The following SLC25A16 variants were observed in gnomAD, a reference collection of about 807,000 sequenced individuals.
SLC25A16 encodes solute carrier family 25 member 16.
SLC25A16 carries 39 observed loss-of-function variants against 41.5 expected under a neutral mutation model. The observed-to-expected ratio is 0.94, with a 90% CI of 0.73 to 1.23. The LOEUF (loss-of-function observed/expected upper bound fraction) is 1.23, where lower values mean the gene tolerates loss of function less well. Among genes scored for constraint, SLC25A16 ranks in the 50% most tolerant of loss-of-function variants. SLC25A16 has a pLI of 0.00. For synonymous variants in SLC25A16, 146 were observed against 147.8 expected, an observed-to-expected ratio of 0.99 and a Z score of 0.09; for missense variants, 421 against 426.9, an observed-to-expected ratio of 0.99 and a Z score of 0.12.
intron 6 of SLC25A16, among the ~76,000 whole-genome samples, chr10:68,492,372 A>C (rs2052673879): frequency 6.6e-6 from 1 of 152,336 alleles, no homozygotes; most frequent in South Asian, 2.1e-4. Flanking sequence ...ATTGCAAAAT[A>C]AAGCCAACTG....
At chr10:68,515,852 G>A (rs1021323885) in intron 2 of SLC25A16, among the ~76,000 whole-genome samples, 5 of 152,062 alleles carry the variant, frequency 3.3e-5, no homozygotes, top group East Asian at 1.9e-4. Context: ...GAGTTGTTAC[G>A]TGTGCCTGTG....
chr10:68,504,017 C>CT lies in SLC25A16; in HGVS notation c.358-323dup, dbSNP rs148285905. ...TGGGGGTAGTAGGAATAAACTGCTA[C>CT]TTTTTTTTTTTTTTTTTTTTTTTTT... On this transcript the variant is annotated intron_variant, in intron 3 of 8. Transcript: ENST00000609923. 6.7e-3 allele frequency among the ~76,000 whole-genome samples: 473 copies of CT among 70,884 alleles called. 19 individuals carry two copies. The highest frequency in any genetic ancestry group is 0.02 in the African/African-American group (347 of 17,630). The allele number at this position is 70,884 out of a possible 152,430, so 46.5% of individuals were successfully genotyped here. A position where few individuals can be genotyped will look rare whatever the true frequency, so the allele number is the denominator to read the frequency against.
At chr10:68,520,907 G>A (rs955561039) in intron 1 of SLC25A16, among the ~76,000 whole-genome samples, 12 of 151,782 alleles carry the variant, frequency 7.9e-5, no homozygotes, top group African/African-American at 2.4e-4. Flanking sequence ...ACGTTGAGGC[G>A]GGCAGATCGC....
At chr10:68,526,670 T>C (rs1039707845) in intron 1 of SLC25A16, among the ~76,000 whole-genome samples, 30 of 152,182 alleles carry the variant, frequency 2.0e-4, no homozygotes, top group Admixed American at 1.3e-4. Context: ...AGGGTGGAGC[T>C]TGAAGGCCCA....
chr10:68,510,377 C>A (rs867565512), intron 2 of SLC25A16, among the ~76,000 whole-genome samples: 2,321 of 117,832 alleles, frequency 0.02, 48 homozygotes, highest in African/African-American at 0.064. Context: ...ACTAAAAATA[C>A]AAAAAAAAAA....
At chr10:68,499,772 T>C in intron 4 of SLC25A16, 2 of 412,952 alleles carry the variant, frequency 4.8e-6, no homozygotes, top group Non-Finnish European at 9.4e-6. Context: ...AAATGTCATC[T>C]ACACTGAATG....
intron 2 of SLC25A16, among the ~76,000 whole-genome samples, chr10:68,510,884 A>G (rs1564923906): frequency 2.0e-5 from 3 of 152,292 alleles, no homozygotes; most frequent in East Asian, 3.9e-4. Flanking sequence ...AATTAAAAAA[A>G]CTATCTTATA....
At position 68,524,976 on chromosome 10, in the gene SLC25A16, A is replaced by C. The variant is rs191481628; in HGVS notation, c.130+2270T>G. Among the ~76,000 whole-genome samples the C allele has an allele frequency of 1.2e-3, 177 of 148,034 alleles. 1 individual carries two copies. The highest frequency in any genetic ancestry group is 9.3e-3 in the Admixed American group (139 of 14,872). On this transcript the variant is annotated intron_variant, in intron 1 of 8. Transcript: ENST00000609923. ...TCAGCAGAATCACTTGAACCCAGGA[A>C]GCAGAGGTTGCAGTGAGCCAAGATC...
chr10:68,522,114 G>C (rs561656603), intron 1 of SLC25A16, among the ~76,000 whole-genome samples: 2 of 151,416 alleles, frequency 1.3e-5, no homozygotes, highest in African/African-American at 4.8e-5. Context: ...AGTGAGCTGA[G>C]ATCATGCTGC....
At chr10:68,506,225 T>C (rs2052951104) in intron 3 of SLC25A16, among the ~76,000 whole-genome samples, 1 of 152,056 alleles carries the variant, frequency 6.6e-6, no homozygotes, top group Non-Finnish European at 1.5e-5. Flanking sequence ...TCCCAACACT[T>C]TGGGAGGCCA....
intron 1 of SLC25A16, among the ~76,000 whole-genome samples, chr10:68,524,636 C>T (rs528497945): frequency 2.0e-4 from 28 of 140,420 alleles, no homozygotes; most frequent in South Asian, 4.6e-4. Context: ...TTGAACCAGG[C>T]GGCAGAGGTT....
chr10:68,516,310 G>A (rs2053160465), intron 2 of SLC25A16, among the ~76,000 whole-genome samples: 2 of 151,936 alleles, frequency 1.3e-5, no homozygotes, highest in African/African-American at 2.4e-5. Context: ...TATTTGTCCC[G>A]ACTGGCTAGC....
intron 1 of SLC25A16, among the ~76,000 whole-genome samples, chr10:68,521,714 C>T (rs2053253472): frequency 1.3e-5 from 2 of 150,108 alleles, no homozygotes; most frequent in Admixed American, 1.3e-4. Context: ...CTGCCTCAGC[C>T]TCCCAAGTAG....
At chr10:68,511,020 C>T (rs1234736105) in intron 2 of SLC25A16, among the ~76,000 whole-genome samples, 2 of 152,110 alleles carry the variant, frequency 1.3e-5, no homozygotes, top group South Asian at 2.1e-4. Context: ...GGGCAGAACA[C>T]GAGGTCAGGA....
intron 2 of SLC25A16, among the ~76,000 whole-genome samples, chr10:68,508,299 T>A (rs1374023725): frequency 6.7e-6 from 1 of 149,152 alleles, no homozygotes; most frequent in African/African-American, 2.5e-5. Context: ...AAAAGTAAAA[T>A]GTATGACTAT....
rs551952989 is a variant in SLC25A16 at position 68,525,517 on chromosome 10, G to T, written c.130+1729C>A. ...AGCTCAGGCTGGAGGGTAGTGGTGT[G>T]ATCATGGCTTACTGGAGCCTCGATC... On this transcript the variant is annotated intron_variant, in intron 1 of 8. Coordinates refer to ENST00000609923, the MANE Select transcript of SLC25A16 (RefSeq NM_152707.4). 2.6e-5 allele frequency among the ~76,000 whole-genome samples: 4 copies of T among 152,256 alleles called. No individual in the cohort carries two copies. The East Asian group carries it at 7.7e-4, about 29-fold the overall frequency.
chr10:68,498,103 G>A (rs559542569), intron 4 of SLC25A16, among the ~76,000 whole-genome samples: 1 of 151,980 alleles, frequency 6.6e-6, no homozygotes, highest in Non-Finnish European at 1.5e-5. Flanking sequence ...AAAAGCCAAA[G>A]GACTTAAGAG....
At chr10:68,500,882 G>A (rs551780972) in intron 4 of SLC25A16, among the ~76,000 whole-genome samples, 1 of 151,908 alleles carries the variant, frequency 6.6e-6, no homozygotes, top group Non-Finnish European at 1.5e-5. Context: ...AATGAGCTGA[G>A]ATTCCATCAC....
At chr10:68,493,392 A>T (rs1317767953) in intron 5 of SLC25A16, 57 bp downstream of exon 5, 19 of 1,451,652 alleles carry the variant, frequency 1.3e-5, no homozygotes, top group Non-Finnish European at 1.6e-5. Flanking sequence ...GACATTCAAA[A>T]TATTTTCCTA....
Sources: gnomAD v4.1 joint callset for allele counts (sites outside exome capture counted in the v4.1 genomes callset) on GRCh38, gnomAD v4.1.1 for gene constraint, MANE v1.5 for transcripts, NCBI Gene and HGNC (gene_info 2026-07-23, HGNC 2026-07-21) for gene names.